The following CUL2 variants were observed in gnomAD, a reference collection of about 807,000 sequenced individuals.
The protein encoded by CUL2 is cullin-2.
CUL2 carries 22 observed loss-of-function variants against 110.2 expected under a neutral mutation model. The observed-to-expected ratio is 0.20, with a 90% CI of 0.14 to 0.28. CUL2 has a LOEUF of 0.28. Among genes scored for constraint, CUL2 ranks in the 10% least tolerant of loss-of-function variants. The pLI is 1.00. For missense variants in CUL2, 631 were observed against 905.5 expected, an observed-to-expected ratio of 0.70 and a Z score of 3.89; for synonymous variants, 279 against 293.2, an observed-to-expected ratio of 0.95 and a Z score of 0.49.
At chr10:35,077,423 AG>A (rs1238249654) in intron 1 of CUL2, among the ~76,000 whole-genome samples, 4 of 151,316 alleles carry the variant, frequency 2.6e-5, no homozygotes, top group Admixed American at 6.6e-5. Flanking sequence ...CTTGAACCTG[AG>A]AGGTGGAGGT....
At chr10:35,104,419 C>A (rs2087427530) in intron 1 of CUL2, among the ~76,000 whole-genome samples, 1 of 152,078 alleles carries the variant, frequency 6.6e-6, no homozygotes, top group Non-Finnish European at 1.5e-5. Flanking sequence ...GCACTGTAGC[C>A]TGGGAAGATG....
chr10:35,105,104 T>G (rs2087435971), intron 1 of CUL2, among the ~76,000 whole-genome samples: 1 of 151,756 alleles, frequency 6.6e-6, no homozygotes, highest in Non-Finnish European at 1.5e-5. Context: ...AGGGATTGAA[T>G]GTGATGGCTT....
intron 19 of CUL2, among the ~76,000 whole-genome samples, chr10:35,013,418 C>T (rs1343965604): frequency 6.6e-6 from 1 of 151,696 alleles, no homozygotes; most frequent in Non-Finnish European, 1.5e-5. Context: ...TTTATTACTT[C>T]TCAATGTGGG....
intron 4 of CUL2, among the ~76,000 whole-genome samples, chr10:35,057,985 C>A (rs1428940454): frequency 6.6e-6 from 1 of 152,066 alleles, no homozygotes; most frequent in Admixed American, 6.5e-5. Context: ...GTAATCCCAG[C>A]TACTCAGGAG....
At chr10:35,061,053 TA>T in intron 3 of CUL2, 85 bp from the exon 4 acceptor site, 2 of 1,346,024 alleles carry the variant, frequency 1.5e-6, no homozygotes, top group South Asian at 2.8e-5. Context: ...ATTAATGTTC[TA>T]AAATAATTTA....
intron 3 of CUL2, among the ~76,000 whole-genome samples, chr10:35,061,930 A>G (rs1012042037): frequency 1.3e-5 from 2 of 152,118 alleles, no homozygotes; most frequent in African/African-American, 4.8e-5. Flanking sequence ...TTAAAAAAGT[A>G]TCTACTCCTG....
rs559358200 is a variant in CUL2 at position 35,105,695 on chromosome 10, G to T, written c.-50-4635C>A. Among the ~76,000 whole-genome samples the T allele has an allele frequency of 1.1e-4, 17 of 149,238 alleles. No individual in the cohort carries two copies. The South Asian group carries it at 3.4e-3, about 30-fold the overall frequency. Reference sequence around the variant, plus strand: ...TGCACTCCAGCCTGGGCGACAGAGCGAGACTCTGTCTCAAAAAAAAAAAAG... The same window carrying T: ...TGCACTCCAGCCTGGGCGACAGAGCTAGACTCTGTCTCAAAAAAAAAAAAG... On this transcript the variant is annotated intron_variant, in intron 1 of 5. Coordinates refer to the CUL2 transcript ENST00000685421.
chr10:35,094,203 C>A (rs72789691), upstream of CUL2, among the ~76,000 whole-genome samples: 20,545 of 151,860 alleles, frequency 0.14, 1,581 homozygotes, highest in South Asian at 0.2. Context: ...ATAGATATAA[C>A]CCACATGAAC....
rs751543875 is a variant in CUL2 at position 35,016,318 on chromosome 10, G to T, written c.1761C>A (p.Ala587=). Residue 587 remains alanine, a synonymous_variant, in exon 18 of 21, where the codon GCC becomes GCA. Transcript: ENST00000374749. The part of the protein sequence containing the change: ...VTTYQMAVLL[A]FNNSETVSYK... ...AACTGACAGTTTCACTGTTGTTAAAGGCAAGAAGAACTGCCATTTGGTATG... is the reference window on the plus strand; with the variant it reads ...AACTGACAGTTTCACTGTTGTTAAATGCAAGAAGAACTGCCATTTGGTATG... The T allele has an allele frequency of 3.7e-6, 6 of 1,613,972 alleles. No individual in the cohort carries two copies. In the South Asian group the frequency reaches 5.5e-5, roughly 15 times the overall value.
chr10:35,037,150 T>TA (rs1293060837), intron 9 of CUL2, among the ~76,000 whole-genome samples: 2 of 152,378 alleles, frequency 1.3e-5, no homozygotes, highest in East Asian at 3.9e-4. Flanking sequence ...GTTATTTTTT[T>TA]ACCTTGTACA....
At chr10:35,106,028 G>GA (rs2087451001) in intron 1 of CUL2, among the ~76,000 whole-genome samples, 1 of 152,130 alleles carries the variant, frequency 6.6e-6, no homozygotes. Flanking sequence ...AGGTGCTATA[G>GA]AAAAAATGCG....
At position 35,035,303 on chromosome 10, in the gene CUL2, G is replaced by A. The variant is rs1027359280; in HGVS notation, c.878-7C>T. On this transcript the variant is annotated splice_polypyrimidine_tract_variant and splice_region_variant and intron_variant, in intron 9 of 20. Transcript: ENST00000374749. ...ACGTACATATTTGCCATGTCTGAGA[G>A]GAAAAAGACATCTGAGGGTTAACTC... The A allele has an allele frequency of 8.1e-6, 13 of 1,611,938 alleles. No individual in the cohort carries two copies. Among genetic ancestry groups the A allele is most frequent in the African/African-American group, 2.7e-5 (2 of 74,792 alleles).
intron 17 of CUL2, among the ~76,000 whole-genome samples, chr10:35,018,529 C>T (rs1376073125): frequency 1.3e-5 from 2 of 151,698 alleles, no homozygotes; most frequent in Non-Finnish European, 2.9e-5. Context: ...TTTGGGAGGC[C>T]GAGGCAGGTG....
chr10:35,110,455 C>T (rs1455995821), intron 1 of CUL2, among the ~76,000 whole-genome samples: 8 of 152,142 alleles, frequency 5.3e-5, no homozygotes, highest in Admixed American at 2.0e-4. Flanking sequence ...GTCCCAGATA[C>T]TCTGGAGTCT....
At chr10:35,092,134 T>G (rs2087219494), upstream of CUL2, among the ~76,000 whole-genome samples, 1 of 151,932 alleles carries the variant, frequency 6.6e-6, no homozygotes, top group African/African-American at 2.4e-5. Flanking sequence ...TTTGTATTTT[T>G]GGTAGACATG....
rs1308679943 is a variant in CUL2, at chr10:35,013,788, C to A, written c.1900G>T (p.Ala634Ser). The A allele has an allele frequency of 3.3e-6, 5 of 1,507,938 alleles. No homozygotes were observed. Among genetic ancestry groups the A allele is most frequent in the Non-Finnish European group, 4.5e-6 (5 of 1,114,108 alleles). 93.4% of individuals were successfully genotyped at this position (1,507,938 alleles called of 1,614,324 possible). The change falls in exon 19 of 21, where the codon GCA becomes TCA. Residue 634 changes from alanine (A) to serine (S), a missense_variant. By Grantham distance (99) the Ala-to-Ser change is moderately conservative. This residue lies in a region of CUL2 where 159 missense variants were observed against 202.7 expected (regional missense o/e 0.78). Coordinates refer to ENST00000374749, the MANE Select transcript of CUL2 (RefSeq NM_003591.4). The stretch of plus-strand genomic sequence containing the variant: ...ATATTTAATGAAAACGAAGATTCTG[C>A]ATCAATATCTTCCTACATTTAAAAA... Reference protein sequence around the residue: ...NHDSEKEDIDAESSFSLNMNF... With the variant: ...NHDSEKEDIDSESSFSLNMNF...
Position 35,025,114 on chromosome 10 carries a change from T to C in CUL2, c.1684+18A>G, listed in dbSNP as rs183221853. The C allele has an allele frequency of 1.0e-5, 15 of 1,480,394 alleles. No homozygotes were observed. The highest frequency in any genetic ancestry group is 2.5e-5 in the East Asian group (1 of 39,380). The allele number at this position is 1,480,394 out of a possible 1,614,324, so 91.7% of individuals were successfully genotyped here. A position where few individuals can be genotyped will look rare whatever the true frequency, so the allele number is the denominator to read the frequency against. ...CAGGTAAATTTCATTAAGCCAGATA[T>C]AATTAAATGCATTTTACCTGTACAC... is the stretch of plus-strand genomic sequence containing the variant. On this transcript the variant is annotated intron_variant, in intron 17 of 20. Transcript: ENST00000374749.
intron 8 of CUL2, among the ~76,000 whole-genome samples, chr10:35,042,134 C>G (rs1564715853): frequency 6.6e-6 from 1 of 152,152 alleles, no homozygotes; most frequent in African/African-American, 2.4e-5. Context: ...ATTACCCCAT[C>G]AGAAACTTTA....
chr10:35,009,034 T>C lies in CUL2; in HGVS notation c.*1277A>G, dbSNP rs2084828304. 1 of 151,844 alleles carries C rather than the reference T, an allele frequency of 6.6e-6. No homozygotes were observed. The highest frequency in any genetic ancestry group is 2.4e-5 in the African/African-American group (1 of 41,352). The allele number at this position is 151,844 out of a possible 1,614,324, so 9.4% of individuals were successfully genotyped here. ...TGAGGCCAGAAGTTCCAGACTAGCCTGGGAAACATGGCGAAACCCCGTCTC... is the reference window on the plus strand; with the variant it reads ...TGAGGCCAGAAGTTCCAGACTAGCCCGGGAAACATGGCGAAACCCCGTCTC... On this transcript the variant is annotated 3_prime_UTR_variant, in exon 21 of 21. Coordinates refer to ENST00000374749, the MANE Select transcript of CUL2 (RefSeq NM_003591.4).
Sources: allele counts gnomAD v4.1 joint callset (sites outside exome capture counted in the v4.1 genomes callset), GRCh38; gene constraint gnomAD v4.1.1; regional missense constraint gnomAD v4.1.1; transcripts MANE v1.5; gene names NCBI Gene and HGNC (gene_info 2026-07-23, HGNC 2026-07-21).